Variants in MAGI1 observed in about 807,000 individuals in gnomAD.
The protein encoded by MAGI1 is membrane-associated guanylate kinase, WW and PDZ domain-containing protein 1.
In MAGI1, 58 loss-of-function variants were observed where a neutral mutation model predicts 139.9. The observed-to-expected ratio is 0.41, with a 90% CI of 0.34 to 0.52. MAGI1 has a LOEUF of 0.52. MAGI1 is among the 20% of genes least tolerant of loss of function. MAGI1 has a pLI of 0.12. For missense variants in MAGI1, 1,874 were observed against 1,901.6 expected, an observed-to-expected ratio of 0.99 and a Z score of 0.27; for synonymous variants, 812 against 737.9, an observed-to-expected ratio of 1.10 and a Z score of -1.63.
At chr3:65,501,810 G>A (rs1032634002) in intron 2 of MAGI1, among the ~76,000 whole-genome samples, 1 of 152,178 alleles carries the variant, frequency 6.6e-6, no homozygotes, top group Non-Finnish European at 1.5e-5. Context: ...ACAACCAAAT[G>A]TGGTTCAATT....
At chr3:65,514,734 T>C (rs1163750113) in intron 2 of MAGI1, among the ~76,000 whole-genome samples, 1 of 147,464 alleles carries the variant, frequency 6.8e-6, no homozygotes, top group Middle Eastern at 3.2e-3. Flanking sequence ...GTTCAACCAT[T>C]GTGGAAATCA....
chr3:65,676,698 T>C (rs969636838), intron 1 of MAGI1, among the ~76,000 whole-genome samples: 11 of 152,232 alleles, frequency 7.2e-5, no homozygotes, highest in African/African-American at 2.2e-4. Context: ...CAAAAAATTC[T>C]ACATTTTATC....
chr3:65,618,749 T>A (rs2083503250), intron 2 of MAGI1, among the ~76,000 whole-genome samples: 1 of 152,164 alleles, frequency 6.6e-6, no homozygotes, highest in Non-Finnish European at 1.5e-5. Context: ...AAGACTCACC[T>A]TATAGGATTG....
At chr3:65,652,791 C>T (rs1278845781) in intron 1 of MAGI1, among the ~76,000 whole-genome samples, 1 of 151,994 alleles carries the variant, frequency 6.6e-6, no homozygotes, top group Non-Finnish European at 1.5e-5. Flanking sequence ...GAAATAATGG[C>T]AATATTAACT....
chr3:65,920,924 G>T (rs1443896555), intron 1 of MAGI1, among the ~76,000 whole-genome samples: 3 of 151,938 alleles, frequency 2.0e-5, no homozygotes, highest in Non-Finnish European at 4.4e-5. Flanking sequence ...AGCTACTCAG[G>T]AGGCTGAGGC....
At position 65,548,511 on chromosome 3, in the gene MAGI1, C is replaced by CTT. The variant is rs1170215972; in HGVS notation, c.431-54882_431-54881dup. Among the ~76,000 whole-genome samples the CTT allele has an allele frequency of 4.3e-3, 377 of 87,354 alleles. 54 individuals carry two copies. The highest frequency in any genetic ancestry group is 0.011 in the African/African-American group (243 of 21,280). The allele number at this position is 87,354 out of a possible 152,430, so 57.3% of individuals were successfully genotyped here. A position where few individuals can be genotyped will look rare whatever the true frequency, so the allele number is the denominator to read the frequency against. ...AGCCCAGCTTTATGCAAACAACACT[C>CTT]TTTTTTTTTTTTTTTTTTTTTTTTT... is the stretch of plus-strand genomic sequence containing the variant. On this transcript the variant is annotated intron_variant, in intron 2 of 22. Transcript: ENST00000402939.
At chr3:65,553,886 G>A (rs1190094425) in intron 2 of MAGI1, among the ~76,000 whole-genome samples, 1 of 152,148 alleles carries the variant, frequency 6.6e-6, no homozygotes. Flanking sequence ...AAATACAAAT[G>A]AAGAAACTGA....
At chr3:65,499,436 T>G (rs963343379) in intron 2 of MAGI1, among the ~76,000 whole-genome samples, 9 of 152,102 alleles carry the variant, frequency 5.9e-5, no homozygotes, top group Admixed American at 5.2e-4. Flanking sequence ...GATCACGAGG[T>G]CAGGAGATCG....
chr3:65,790,861 G>C (rs557666750), intron 1 of MAGI1, among the ~76,000 whole-genome samples: 16 of 152,224 alleles, frequency 1.1e-4, no homozygotes, highest in African/African-American at 3.9e-4. Flanking sequence ...GATCACTTGA[G>C]GTCAGGAGTT....
At chr3:65,625,680 G>C (rs1355292660) in intron 1 of MAGI1, among the ~76,000 whole-genome samples, 2 of 152,138 alleles carry the variant, frequency 1.3e-5, no homozygotes, top group Admixed American at 1.3e-4. Context: ...ATTGAGGTGA[G>C]GGGGCAAAGA....
At chr3:65,834,391 G>A (rs11706099) in intron 1 of MAGI1, among the ~76,000 whole-genome samples, 517 of 152,336 alleles carry the variant, frequency 3.4e-3, no homozygotes, top group Non-Finnish European at 5.3e-3. Context: ...CCAAGTAGCT[G>A]GAGCTATCTT....
At position 65,635,995 on chromosome 3, in the gene MAGI1, G is replaced by A. The variant is rs116557651; in HGVS notation, c.314-13907C>T. On this transcript the variant is annotated intron_variant, in intron 1 of 22. Coordinates refer to ENST00000402939, the MANE Select transcript of MAGI1 (RefSeq NM_001033057.2). ...ATCATTTGATGGGTCTGAAAAAAGT[G>A]ACACAATTTCCCATCAACAGAGCAT... Among the ~76,000 whole-genome samples the A allele has an allele frequency of 2.2e-3, 341 of 152,280 alleles. 1 individual carries two copies. The highest frequency in any genetic ancestry group is 3.4e-3 in the Non-Finnish European group (231 of 68,016).
At chr3:65,761,817 C>T (rs2037056041) in intron 1 of MAGI1, among the ~76,000 whole-genome samples, 1 of 152,156 alleles carries the variant, frequency 6.6e-6, no homozygotes, top group Non-Finnish European at 1.5e-5. Context: ...TCATCTCCAC[C>T]CTCCCTTCAA....
chr3:65,965,639 T>C (rs1240306990), intron 1 of MAGI1, among the ~76,000 whole-genome samples: 1 of 151,932 alleles, frequency 6.6e-6, no homozygotes, highest in Non-Finnish European at 1.5e-5. Flanking sequence ...GAAGACAAAA[T>C]CTGAGGACTC....
At chr3:65,810,055 A>G (rs1193108420) in intron 1 of MAGI1, among the ~76,000 whole-genome samples, 6 of 152,044 alleles carry the variant, frequency 3.9e-5, no homozygotes, top group Non-Finnish European at 8.8e-5. Flanking sequence ...TTCAGGACTT[A>G]TTTACCAAAG....
chr3:65,932,060 A>G (rs527647555), intron 1 of MAGI1, among the ~76,000 whole-genome samples: 1 of 152,314 alleles, frequency 6.6e-6, no homozygotes, highest in East Asian at 1.9e-4. Flanking sequence ...AGGGGAAAAA[A>G]TCGTATCGAG....
At chr3:65,671,537 T>A (rs1204490478) in intron 1 of MAGI1, among the ~76,000 whole-genome samples, 3 of 152,194 alleles carry the variant, frequency 2.0e-5, no homozygotes, top group Admixed American at 2.0e-4. Flanking sequence ...CCTGGCTACA[T>A]ATTAGAAATG....
intron 1 of MAGI1, among the ~76,000 whole-genome samples, chr3:65,728,678 G>A (rs906464298): frequency 2.0e-5 from 3 of 152,072 alleles, no homozygotes; most frequent in Admixed American, 6.6e-5. Context: ...ATTGTCAGAA[G>A]AGAAACAACT....
intron 14 of MAGI1, among the ~76,000 whole-genome samples, chr3:65,386,975 T>A (rs956046896): frequency 1.3e-5 from 2 of 152,212 alleles, no homozygotes; most frequent in Non-Finnish European, 2.9e-5. Flanking sequence ...TTTTATTCCA[T>A]CTTGTCTTTG....
Sources: gnomAD v4.1 joint callset for allele counts (sites outside exome capture counted in the v4.1 genomes callset) on GRCh38, gnomAD v4.1.1 for gene constraint, MANE v1.5 for transcripts, NCBI Gene and HGNC (gene_info 2026-07-23, HGNC 2026-07-21) for gene names.